SIPA1L1: variants seen among roughly 807,000 people sequenced by gnomAD.
SIPA1L1 encodes the protein signal induced proliferation associated 1 like 1.
A neutral mutation model predicts 162.7 loss-of-function variants in SIPA1L1; 26 were observed. The observed-to-expected ratio is 0.16, with a 90% CI of 0.12 to 0.22. SIPA1L1 has a LOEUF of 0.22. Ranked by LOEUF, SIPA1L1 falls within the 10% of genes least tolerant of loss-of-function variation. The pLI is 1.00. For synonymous variants in SIPA1L1, 829 were observed against 837.4 expected (o/e 0.99, Z 0.17); for missense variants, 1,874 against 2,241.0 (o/e 0.84, Z 3.31).
At chr14:71,451,450 A>G (rs1365238259) in intron 2 of SIPA1L1, among the ~76,000 whole-genome samples, 1 of 151,956 alleles carries the variant, frequency 6.6e-6, no homozygotes, top group African/African-American at 2.4e-5. Flanking sequence ...CCTGGGCCAT[A>G]TAGTGAGACC....
chr14:71,364,516 T>C (rs1266915288), intron 2 of SIPA1L1, among the ~76,000 whole-genome samples: 1 of 152,206 alleles, frequency 6.6e-6, no homozygotes, highest in Admixed American at 6.5e-5. Context: ...TTGTGTTGTG[T>C]GTGTCACTAA....
intron 4 of SIPA1L1, among the ~76,000 whole-genome samples, chr14:71,546,467 C>T (rs1175948374): frequency 1.2e-4 from 18 of 147,598 alleles, no homozygotes; most frequent in Non-Finnish European, 1.0e-4. Flanking sequence ...CTGCAACCTC[C>T]GCCTTCCAGG....
chr14:71,642,527 A>G (rs2041817203), intron 7 of SIPA1L1, among the ~76,000 whole-genome samples: 2 of 152,348 alleles, frequency 1.3e-5, no homozygotes, highest in African/African-American at 4.8e-5. Flanking sequence ...GCTGTCGTAC[A>G]ACCAAGAGTT....
Position 71,739,122 on chromosome 14 carries a change from G to A in SIPA1L1, c.5313G>A (p.Lys1771=), listed in dbSNP as rs1018014887. 1 of 1,614,044 alleles carries A rather than the reference G, an allele frequency of 6.2e-7. No individual in the cohort carries two copies. The highest frequency in any genetic ancestry group is 1.3e-5 in the African/African-American group (1 of 75,024). The change falls in exon 24 of 24, where the codon AAG becomes AAA. Residue 1771 remains lysine (K), a synonymous_variant. Coordinates refer to ENST00000381232, the MANE Select transcript of SIPA1L1 (RefSeq NM_001386936.1). ...ESQNASDKLK[K]FTEWVFNTID... The stretch of plus-strand genomic sequence containing the variant: ...AGAACGCCTCGGACAAGCTGAAGAA[G>A]TTCACAGAATGGGTCTTCAACACCA...
intron 7 of SIPA1L1, among the ~76,000 whole-genome samples, chr14:71,636,779 C>T (rs138907639): frequency 3.3e-5 from 5 of 152,264 alleles, no homozygotes; most frequent in East Asian, 1.9e-4. Flanking sequence ...AGGTGGCTCA[C>T]GCCTATAATC....
chr14:71,517,491 T>A (rs1009816356), intron 3 of SIPA1L1, among the ~76,000 whole-genome samples: 15 of 152,186 alleles, frequency 9.9e-5, no homozygotes, highest in African/African-American at 3.6e-4. Flanking sequence ...TCTGTGGGTA[T>A]AAACAATTAT....
chr14:71,588,771 G>A lies in SIPA1L1; in HGVS notation c.899G>A (p.Arg300His), dbSNP rs369245592. 1.8e-5 allele frequency: 29 copies of A among 1,613,498 alleles called. No individual in the cohort carries two copies. The highest frequency in any genetic ancestry group is 1.0e-4 in the Admixed American group (6 of 59,868). The change falls in exon 5 of 24, where the codon CGC (arginine) becomes CAC (histidine). Residue 300 changes from arginine (R) to histidine (H), a missense_variant. Physicochemically the swap from Arg to His is conservative, Grantham distance 29. Transcript: ENST00000381232. This position sits in a 1 kb window ranked among gnomAD's most constrained non-coding sequence, Gnocchi z 4.3. ...TGDSSIFRKL[R>H]NAKGEELGKS... is the part of the protein sequence containing the mutation. Reference sequence around the variant, plus strand: ...GACTCATCTATTTTTCGTAAATTGCGCAATGCCAAAGGTGAAGAACTTGGG... The same window carrying A: ...GACTCATCTATTTTTCGTAAATTGCACAATGCCAAAGGTGAAGAACTTGGG...
At chr14:71,677,202 A>C (rs1021035450) in intron 12 of SIPA1L1, among the ~76,000 whole-genome samples, 1 of 152,014 alleles carries the variant, frequency 6.6e-6, no homozygotes, top group Non-Finnish European at 1.5e-5. Flanking sequence ...TGTGGTTTTG[A>C]TTTGCATTTC....
intron 23 of SIPA1L1, 116 bp downstream of exon 23, chr14:71,738,441 A>G (rs750844193): frequency 1.4e-5 from 9 of 650,724 alleles, no homozygotes; most frequent in Middle Eastern, 3.1e-4. Context: ...CGGTGCCTGC[A>G]TGTGTTTGGG....
At chr14:71,382,917 C>A (rs887313660) in intron 2 of SIPA1L1, among the ~76,000 whole-genome samples, 17 of 152,006 alleles carry the variant, frequency 1.1e-4, no homozygotes, top group African/African-American at 4.1e-4. Context: ...AGAGGCCCAG[C>A]AGAATATTCT....
chr14:71,374,415 A>T (rs564500762), intron 2 of SIPA1L1, among the ~76,000 whole-genome samples: 1 of 151,920 alleles, frequency 6.6e-6, no homozygotes, highest in Non-Finnish European at 1.5e-5. Context: ...TTTTCTTGAT[A>T]GAGCCTTCAA....
chr14:71,629,469 G>T (rs1168423678), intron 7 of SIPA1L1, among the ~76,000 whole-genome samples: 1 of 152,236 alleles, frequency 6.6e-6, no homozygotes, highest in Admixed American at 6.5e-5. Context: ...CAGCCACCCT[G>T]TCCTCTTTTC....
rs1438203248 is a variant in SIPA1L1, at chr14:71,649,134, A to G, written c.1819-1201A>G. ...TGTGGTGGTTGTAATGACACTCTGG[A>G]AATAGGATTAAGTGATAAGAATTGT... On this transcript the variant is annotated intron_variant, in intron 7 of 23. Transcript: ENST00000381232. Among the ~76,000 whole-genome samples, 4 of 152,100 alleles carry G rather than the reference A, an allele frequency of 2.6e-5. No homozygotes were observed. In the East Asian group the frequency reaches 7.7e-4, roughly 29 times the overall value.
At chr14:71,680,296 G>A (rs1347698852) in intron 12 of SIPA1L1, among the ~76,000 whole-genome samples, 3 of 152,142 alleles carry the variant, frequency 2.0e-5, no homozygotes, top group Admixed American at 1.3e-4. Flanking sequence ...TCAACTACAT[G>A]GAAACTGAAC....
At chr14:71,497,867 G>T (rs1446740319) in intron 2 of SIPA1L1, 1 of 152,280 alleles carries the variant, frequency 6.6e-6, no homozygotes, top group Non-Finnish European at 1.5e-5. Flanking sequence ...AGATGCCCAG[G>T]TGCATGATTT....
At chr14:71,473,996 A>G (rs969424482) in intron 2 of SIPA1L1, among the ~76,000 whole-genome samples, 11 of 152,182 alleles carry the variant, frequency 7.2e-5, no homozygotes, top group Non-Finnish European at 1.5e-4. Context: ...GATTATGTGG[A>G]ACTTCCATAG....
chr14:71,493,582 T>G lies in SIPA1L1; in HGVS notation c.-464-19161T>G, dbSNP rs186863941. 1.6e-3 allele frequency among the ~76,000 whole-genome samples: 244 copies of G among 152,318 alleles called. 1 individual carries two copies. Among genetic ancestry groups the G allele is most frequent in the Non-Finnish European group, 2.8e-3 (191 of 68,030 alleles). On this transcript the variant is annotated intron_variant, in intron 2 of 23. Coordinates refer to ENST00000381232, the MANE Select transcript of SIPA1L1 (RefSeq NM_001386936.1). ...ACATAATGTTGAACAACAAAAAAAG[T>G]ATTTTGACAAAGTATCATCACCAAA... is the stretch of plus-strand genomic sequence containing the variant.
intron 7 of SIPA1L1, among the ~76,000 whole-genome samples, chr14:71,627,742 T>C (rs1006329617): frequency 6.6e-6 from 1 of 152,200 alleles, no homozygotes; most frequent in South Asian, 2.1e-4. Context: ...TGGCCTATTT[T>C]ACAGTCAAGG....
intron 2 of SIPA1L1, among the ~76,000 whole-genome samples, chr14:71,386,728 C>T (rs1469721767): frequency 6.6e-6 from 1 of 152,104 alleles, no homozygotes; most frequent in African/African-American, 2.4e-5. Context: ...ACTGAATGAT[C>T]CTTTTATTTT....
Sources: allele counts gnomAD v4.1 joint callset (sites outside exome capture counted in the v4.1 genomes callset), GRCh38; gene constraint gnomAD v4.1.1; non-coding constraint Gnocchi (gnomAD v3.1); transcripts MANE v1.5; gene names NCBI Gene and HGNC (gene_info 2026-07-23, HGNC 2026-07-21).